The following ASCC3 variants were observed in gnomAD, a reference collection of about 807,000 sequenced individuals.
ASCC3 encodes activating signal cointegrator 1 complex subunit 3, also known as ASC-1 complex subunit P200.
ASCC3 carries 158 observed loss-of-function variants against 256.3 expected under a neutral mutation model. The observed-to-expected ratio is 0.62, with a 90% CI of 0.54 to 0.70. ASCC3 has a LOEUF of 0.70. ASCC3 is among the 30% of genes least tolerant of loss of function. ASCC3 has a pLI of 0.00. For synonymous variants in ASCC3, 948 were observed against 883.4 expected (o/e 1.07, Z -1.30); for missense variants, 2,259 against 2,626.0 (o/e 0.86, Z 3.05).
intron 13 of ASCC3, among the ~76,000 whole-genome samples, chr6:100,712,300 A>C (rs1362333771): frequency 6.6e-6 from 1 of 152,186 alleles, no homozygotes; most frequent in Non-Finnish European, 1.5e-5. Context: ...AAAAACACTA[A>C]GAGAAATAAG....
intron 36 of ASCC3, among the ~76,000 whole-genome samples, chr6:100,559,883 A>T (rs1393981158): frequency 6.6e-6 from 1 of 151,880 alleles, no homozygotes; most frequent in Non-Finnish European, 1.5e-5. Context: ...TACATTTGTT[A>T]AAAACATCAC....
At chr6:100,748,832 G>A (rs957547902) in intron 10 of ASCC3, among the ~76,000 whole-genome samples, 3 of 151,912 alleles carry the variant, frequency 2.0e-5, no homozygotes, top group Admixed American at 6.6e-5. Context: ...TACCTGGAGC[G>A]CCAAGAAGTG....
chr6:100,525,560 C>A (rs967632276), intron 37 of ASCC3, among the ~76,000 whole-genome samples: 1 of 151,768 alleles, frequency 6.6e-6, no homozygotes, highest in Non-Finnish European at 1.5e-5. Context: ...GTTATATGTA[C>A]CCTCAACATA....
intron 4 of ASCC3, among the ~76,000 whole-genome samples, chr6:100,840,536 A>G (rs935913495): frequency 9.7e-6 from 1 of 102,714 alleles, no homozygotes; most frequent in Admixed American, 9.9e-5. Flanking sequence ...TTGCAATGTT[A>G]TTTTAGCGTA....
At chr6:100,563,315 AT>A (rs1770052415) in intron 36 of ASCC3, among the ~76,000 whole-genome samples, 1 of 152,178 alleles carries the variant, frequency 6.6e-6, no homozygotes, top group Non-Finnish European at 1.5e-5. Flanking sequence ...AGAATATACA[AT>A]TTTAACATTA....
intron 1 of ASCC3, among the ~76,000 whole-genome samples, chr6:100,868,548 T>C (rs1330312705): frequency 6.6e-6 from 1 of 152,196 alleles, no homozygotes; most frequent in East Asian, 1.9e-4. Context: ...TCGCTGTCTA[T>C]CAAAGCCCAA....
chr6:100,620,338 T>C (rs184576774), intron 30 of ASCC3, among the ~76,000 whole-genome samples: 123 of 152,306 alleles, frequency 8.1e-4, no homozygotes, highest in Admixed American at 1.6e-3. Flanking sequence ...AATGACAATA[T>C]GGAAAGGTAT....
At chr6:100,514,825 A>G (rs1430804821) in intron 39 of ASCC3, among the ~76,000 whole-genome samples, 1 of 152,140 alleles carries the variant, frequency 6.6e-6, no homozygotes, top group Non-Finnish European at 1.5e-5. Flanking sequence ...GAAGATGCAA[A>G]TCTCACAGTC....
At chr6:100,768,950 G>T (rs1051905582) in intron 8 of ASCC3, among the ~76,000 whole-genome samples, 1 of 152,018 alleles carries the variant, frequency 6.6e-6, no homozygotes, top group South Asian at 2.1e-4. Context: ...AAATGAAATA[G>T]CACACCTCCT....
At chr6:100,876,807 G>A (rs909237976) in intron 1 of ASCC3, among the ~76,000 whole-genome samples, 5 of 152,090 alleles carry the variant, frequency 3.3e-5, no homozygotes, top group African/African-American at 7.2e-5. Flanking sequence ...ACTTCTGTTC[G>A]TCAGAAGTAC....
intron 14 of ASCC3, among the ~76,000 whole-genome samples, chr6:100,667,579 C>G (rs765957144): frequency 1.1e-4 from 17 of 152,070 alleles, no homozygotes; most frequent in Non-Finnish European, 1.9e-4. Context: ...CAGAAATAAC[C>G]AAACAAAGTC....
chr6:100,817,649 T>C (rs754384890), intron 4 of ASCC3, among the ~76,000 whole-genome samples: 1 of 152,032 alleles, frequency 6.6e-6, no homozygotes, highest in Admixed American at 6.6e-5. Context: ...TAAACAATTG[T>C]ATATCAATAT....
At chr6:100,607,662 G>A (rs984507400) in intron 30 of ASCC3, among the ~76,000 whole-genome samples, 9 of 151,620 alleles carry the variant, frequency 5.9e-5, no homozygotes, top group Non-Finnish European at 1.2e-4. Context: ...CTAAAGCCCT[G>A]TAATAGTAAA....
intron 37 of ASCC3, among the ~76,000 whole-genome samples, chr6:100,518,525 T>A (rs936430853): frequency 6.6e-6 from 1 of 152,144 alleles, no homozygotes; most frequent in Non-Finnish European, 1.5e-5. Context: ...TCTCATGTAG[T>A]CTTTCAAATT....
intron 19 of ASCC3, 50 bp from the exon 20 acceptor site, chr6:100,650,764 T>A (rs770939877): frequency 7.7e-6 from 11 of 1,422,250 alleles, no homozygotes; most frequent in South Asian, 2.3e-5. Flanking sequence ...TTTATTTAAA[T>A]TTTTCACATT....
At chr6:100,597,380 A>T (rs1385909538) in intron 34 of ASCC3, among the ~76,000 whole-genome samples, 1 of 152,160 alleles carries the variant, frequency 6.6e-6, no homozygotes, top group Non-Finnish European at 1.5e-5. Flanking sequence ...ATTAAGAAAT[A>T]AAAAAATTAA....
At chr6:100,552,619 C>T (rs1048618265) in intron 36 of ASCC3, among the ~76,000 whole-genome samples, 2 of 151,780 alleles carry the variant, frequency 1.3e-5, no homozygotes, top group African/African-American at 4.8e-5. Flanking sequence ...CACAAAAGTA[C>T]ATCAATGTGT....
intron 10 of ASCC3, among the ~76,000 whole-genome samples, chr6:100,759,309 T>C (rs1452837644): frequency 2.6e-5 from 4 of 152,220 alleles, no homozygotes; most frequent in Non-Finnish European, 5.9e-5. Context: ...ATGAAGTCTT[T>C]GCCCATGCCT....
Position 100,725,560 on chromosome 6 carries a change from T to G in ASCC3, c.1881A>C (p.Ile627=). ...HEDRGPVLES[I]VARTLRQVES... is the part of the protein sequence containing the mutation. ...TTACCTGCCGTAAAGTACGGGCAAC[T>G]ATGCTTTCTAATACTGGTCCTCTAT... Residue 627 remains isoleucine, a synonymous_variant, in exon 11 of 42, where the codon ATA becomes ATC. Transcript: ENST00000369162. 1 of 1,612,636 alleles carries G rather than the reference T, an allele frequency of 6.2e-7. No individual in the cohort carries two copies. Among genetic ancestry groups the G allele is most frequent in the African/African-American group, 1.3e-5 (1 of 74,964 alleles).
Sources: gnomAD v4.1 joint callset for allele counts (sites outside exome capture counted in the v4.1 genomes callset) on GRCh38, gnomAD v4.1.1 for gene constraint, MANE v1.5 for transcripts, NCBI Gene and HGNC (gene_info 2026-07-23, HGNC 2026-07-21) for gene names.